The following TSPAN11 variants were observed in gnomAD, a reference collection of about 807,000 sequenced individuals.
TSPAN11 encodes tetraspanin-11.
A neutral mutation model predicts 32.9 loss-of-function variants in TSPAN11; 29 were observed. The observed-to-expected ratio is 0.88, with a 90% CI of 0.66 to 1.20. The LOEUF is 1.20. Among genes scored for constraint, TSPAN11 ranks in the 50% most tolerant of loss-of-function variants. The probability of loss-of-function intolerance (pLI) is 0.00; values close to 1 mark genes in which losing one functional copy is unlikely to be tolerated. For synonymous variants in TSPAN11, 140 were observed against 141.3 expected (o/e 0.99, Z 0.07); for missense variants, 283 against 329.1 (o/e 0.86, Z 1.08).
intron 3 of TSPAN11, among the ~76,000 whole-genome samples, chr12:30,974,204 TC>T (rs2140299694): frequency 6.6e-6 from 1 of 152,340 alleles, no homozygotes; most frequent in East Asian, 1.9e-4. Flanking sequence ...TTTTTGTGGC[TC>T]CCACAGTGCA....
At chr12:30,989,855 A>T (rs1308561522) in intron 7 of TSPAN11, among the ~76,000 whole-genome samples, 1 of 152,174 alleles carries the variant, frequency 6.6e-6, no homozygotes, top group Admixed American at 6.5e-5. Context: ...CCTCCCTGTT[A>T]AAAATGTCCC....
At chr12:31,010,924 C>T in the TSPAN11 span, among the ~76,000 whole-genome samples, 1 of 151,958 alleles carries the variant, frequency 6.6e-6, no homozygotes, top group African/African-American at 2.4e-5. Flanking sequence ...TTATAAAGAT[C>T]GAACAGAGGG....
intron 1 of TSPAN11, among the ~76,000 whole-genome samples, chr12:30,944,398 C>T (rs762311322): frequency 3.9e-5 from 6 of 152,182 alleles, no homozygotes; most frequent in Admixed American, 1.3e-4. Context: ...CACAATCCCC[C>T]AGCCCCTAGG....
chr12:30,980,066 G>A (rs1939058090), intron 5 of TSPAN11, among the ~76,000 whole-genome samples: 1 of 152,190 alleles, frequency 6.6e-6, no homozygotes, highest in South Asian at 2.1e-4. Context: ...CCTTCCCCGG[G>A]GAGCTGGCTG....
At chr12:30,949,212 T>C (rs562236446) in intron 1 of TSPAN11, among the ~76,000 whole-genome samples, 13 of 152,040 alleles carry the variant, frequency 8.6e-5, no homozygotes, top group Admixed American at 3.9e-4. Context: ...TCTTCTGAGC[T>C]CTCCAAACTG....
In TSPAN11 at chr12:30,934,954, G is replaced by A. The variant is rs142577511; in HGVS notation, c.-12+8158G>A. ...TGCCTGTCCCCACCCCCATCTGTGT[G>A]CCATTGCCTTTATAAACACAACACA... On this transcript the variant is annotated intron_variant, in intron 1 of 7. Coordinates refer to ENST00000546076, the MANE Select transcript of TSPAN11 (RefSeq NM_001370302.1). Among the ~76,000 whole-genome samples, 846 of 152,122 alleles carry A rather than the reference G, an allele frequency of 5.6e-3. 1 individual carries two copies. The highest frequency in any genetic ancestry group is 0.019 in the African/African-American group (809 of 41,492).
At chr12:30,966,696 C>T (rs1196463695) in intron 3 of TSPAN11, among the ~76,000 whole-genome samples, 2 of 152,204 alleles carry the variant, frequency 1.3e-5, no homozygotes, top group Admixed American at 1.3e-4. Flanking sequence ...GTGTGCAGGG[C>T]ACACCCTGCC....
intron 3 of TSPAN11, among the ~76,000 whole-genome samples, chr12:30,971,537 T>C (rs1357890538): frequency 6.6e-6 from 1 of 152,128 alleles, no homozygotes; most frequent in Non-Finnish European, 1.5e-5. Context: ...ACCAGGAGTT[T>C]GTGACCAGCC....
intron 1 of TSPAN11, among the ~76,000 whole-genome samples, chr12:30,943,472 A>G (rs1370280190): frequency 1.3e-5 from 2 of 152,238 alleles, no homozygotes; most frequent in Non-Finnish European, 2.9e-5. Flanking sequence ...GCTGCCTAGC[A>G]TGTAGTTAGC....
downstream of TSPAN11, chr12:30,997,112 G>A (rs1255145210): frequency 6.6e-6 from 1 of 152,202 alleles, no homozygotes; most frequent in Non-Finnish European, 1.5e-5. Context: ...TACTGTGACA[G>A]GGTTTCTCCA....
intron 4 of TSPAN11, among the ~76,000 whole-genome samples, chr12:30,979,308 T>A (rs720480): frequency 0.34 from 51,629 of 152,046 alleles, 10,041 homozygotes; most frequent in Non-Finnish European, 0.44. Context: ...ACCTGAGCCA[T>A]CTCCCCAGCC....
At chr12:31,015,753 A>G in the TSPAN11 span, 1 of 152,126 alleles carries the variant, frequency 6.6e-6, no homozygotes, top group Non-Finnish European at 1.5e-5. The surrounding 1 kb of genome is among the most constrained non-coding windows in gnomAD (Gnocchi z 4.9). Context: ...TATTACTACA[A>G]TTATTAATAT....
intron 2 of TSPAN11, among the ~76,000 whole-genome samples, chr12:30,960,925 G>C (rs377119824): frequency 4.0e-4 from 61 of 151,584 alleles, no homozygotes; most frequent in African/African-American, 1.5e-3. Context: ...TGTAATCCCA[G>C]CTACTCAGAA....
chr12:31,011,269 C>T, the TSPAN11 span, among the ~76,000 whole-genome samples: 3 of 152,190 alleles, frequency 2.0e-5, no homozygotes, highest in African/African-American at 7.2e-5. Flanking sequence ...TGATGCATGC[C>T]TGTCATCCCA....
intron 3 of TSPAN11, among the ~76,000 whole-genome samples, chr12:30,966,137 T>C (rs3427): frequency 0.34 from 51,655 of 150,538 alleles, 9,060 homozygotes; most frequent in East Asian, 0.52. Flanking sequence ...CAACAGGAGG[T>C]GGGGGTCACA....
At chr12:30,969,453 G>A (rs1168885858) in intron 3 of TSPAN11, among the ~76,000 whole-genome samples, 2 of 152,226 alleles carry the variant, frequency 1.3e-5, no homozygotes, top group African/African-American at 2.4e-5. Flanking sequence ...TCCTCATCCA[G>A]CGTGGCTTAT....
chr12:30,966,316 C>A (rs1255385726), intron 3 of TSPAN11, among the ~76,000 whole-genome samples: 1 of 152,186 alleles, frequency 6.6e-6, no homozygotes, highest in African/African-American at 2.4e-5. Flanking sequence ...GCAAGGGGAA[C>A]TTGTAGCAGA....
chr12:30,946,001 G>T (rs773564280), intron 1 of TSPAN11, among the ~76,000 whole-genome samples: 6 of 152,234 alleles, frequency 3.9e-5, no homozygotes, highest in Admixed American at 1.3e-4. Flanking sequence ...GAGTTTGCAT[G>T]AGAGGACAGG....
At position 30,963,888 on chromosome 12, in the gene TSPAN11, C is replaced by T; in HGVS notation, c.147C>T (p.Leu49=). 6.2e-7 allele frequency: 1 copy of T among 1,613,306 alleles called. No homozygotes were observed. The highest frequency in any genetic ancestry group is 1.1e-5 in the South Asian group (1 of 91,086). The change falls in exon 3 of 8, where the codon CTC becomes CTT. Residue 49 remains leucine (L), a synonymous_variant. Transcript: ENST00000546076. ...IWTLVEKSGY[L]SVLASSTFAA... ...CCCTGGTGGAGAAGAGTGGCTACCT[C>T]AGCGTCCTGGCCTCCAGCACCTTTG... is the stretch of plus-strand genomic sequence containing the variant.
Sources: gnomAD v4.1 joint callset for allele counts (sites outside exome capture counted in the v4.1 genomes callset) on GRCh38, gnomAD v4.1.1 for gene constraint, Gnocchi (gnomAD v3.1) non-coding constraint, MANE v1.5 for transcripts, NCBI Gene and HGNC (gene_info 2026-07-23, HGNC 2026-07-21) for gene names.